NAV2: variants seen among roughly 807,000 people sequenced by gnomAD.
NAV2 encodes the protein neuron navigator 2, also known as helicase, APC down-regulated 1.
In NAV2, 54 loss-of-function variants were observed where a neutral mutation model predicts 223.2. The observed-to-expected ratio is 0.24, with a 90% confidence interval of 0.19 to 0.30. NAV2 has a LOEUF of 0.30. NAV2 is among the 10% of genes least tolerant of loss of function. The probability of loss-of-function intolerance (pLI) is 1.00; values close to 1 mark genes in which losing one functional copy is unlikely to be tolerated. For synonymous variants in NAV2, 1,279 were observed against 1,239.3 expected (o/e 1.03, Z -0.67); for missense variants, 2,806 against 3,147.5 (o/e 0.89, Z 2.60).
chr11:19,568,430 G>T (rs2045332726), intron 1 of NAV2, among the ~76,000 whole-genome samples: 2 of 152,240 alleles, frequency 1.3e-5, no homozygotes, highest in South Asian at 4.1e-4. Context: ...AGCAGGCAGA[G>T]TTAGAGGTGA....
At chr11:19,352,129 G>A (rs1043719486) in intron 1 of NAV2, among the ~76,000 whole-genome samples, 6 of 152,064 alleles carry the variant, frequency 3.9e-5, no homozygotes, top group East Asian at 1.9e-4. Flanking sequence ...AACTGCTGTC[G>A]CTATAATTTG....
intron 1 of NAV2, among the ~76,000 whole-genome samples, chr11:19,742,550 A>G (rs1292940825): frequency 6.6e-6 from 1 of 152,172 alleles, no homozygotes; most frequent in Admixed American, 6.5e-5. Context: ...GCTCCAGGTA[A>G]GAGCTGGTGG....
At chr11:19,968,352 G>A (rs1403208999) in intron 10 of NAV2, among the ~76,000 whole-genome samples, 1 of 152,132 alleles carries the variant, frequency 6.6e-6, no homozygotes, top group African/African-American at 2.4e-5. Context: ...AAGTAGCTGG[G>A]ATTACAGGCA....
chr11:20,115,504 C>T (rs1386042651), intron 37 of NAV2, among the ~76,000 whole-genome samples: 1 of 151,676 alleles, frequency 6.6e-6, no homozygotes, highest in Non-Finnish European at 1.5e-5. Flanking sequence ...TGGTGGCAGG[C>T]ACCTGTAGTC....
In NAV2 at chr11:19,769,231, G is replaced by T. The variant is rs150313713; in HGVS notation, c.267+55269G>T. Among the ~76,000 whole-genome samples, 230 of 152,356 alleles carry T rather than the reference G, an allele frequency of 1.5e-3. 2 individuals carry two copies. Among genetic ancestry groups the T allele is most frequent in the African/African-American group, 5.4e-3 (223 of 41,582 alleles). On this transcript the variant is annotated intron_variant, in intron 1 of 37. Coordinates refer to ENST00000349880, the MANE Select transcript of NAV2 (RefSeq NM_145117.5). ...GAAGGAAGCTGTGGAAAGGAATTGA[G>T]TTTGCTCTGGAGGACCTCCGTACTG...
At chr11:19,777,941 T>C (rs1295665132) in intron 1 of NAV2, 1 of 455,940 alleles carries the variant, frequency 2.2e-6, no homozygotes, top group South Asian at 1.5e-5. Context: ...TATTGATCTC[T>C]ACTGCGGTTT....
At chr11:19,577,031 T>C (rs1488820695) in intron 1 of NAV2, among the ~76,000 whole-genome samples, 2 of 152,264 alleles carry the variant, frequency 1.3e-5, no homozygotes, top group African/African-American at 4.8e-5. Context: ...AAGGAATCCC[T>C]GGGTTCCAGG....
At chr11:20,014,814 C>T (rs1020333034) in intron 11 of NAV2, among the ~76,000 whole-genome samples, 21 of 152,214 alleles carry the variant, frequency 1.4e-4, no homozygotes, top group African/African-American at 4.1e-4. Context: ...AGGCAGGAGA[C>T]TCACTTGAAC....
At chr11:19,600,877 G>A (rs2046333337) in intron 1 of NAV2, among the ~76,000 whole-genome samples, 1 of 152,230 alleles carries the variant, frequency 6.6e-6, no homozygotes, top group Admixed American at 6.5e-5. Flanking sequence ...GTAGAGGCAA[G>A]ATCTTAACTC....
chr11:19,584,906 A>G (rs2045844014), intron 1 of NAV2, among the ~76,000 whole-genome samples: 1 of 152,198 alleles, frequency 6.6e-6, no homozygotes, highest in African/African-American at 2.4e-5. Context: ...CGCTTGGTGC[A>G]GAGCTGAGTT....
chr11:19,491,721 C>T (rs1055744630), intron 1 of NAV2, among the ~76,000 whole-genome samples: 1 of 152,186 alleles, frequency 6.6e-6, no homozygotes, highest in African/African-American at 2.4e-5. Context: ...TTTTAACTTC[C>T]TTCAAAAGCT....
At chr11:19,836,704 C>A (rs1330972176) in intron 2 of NAV2, among the ~76,000 whole-genome samples, 1 of 152,182 alleles carries the variant, frequency 6.6e-6, no homozygotes, top group Non-Finnish European at 1.5e-5. Context: ...GAGTTGGAAT[C>A]CTTCAAAAGC....
chr11:19,565,965 G>A (rs899219127), intron 1 of NAV2, among the ~76,000 whole-genome samples: 2 of 152,202 alleles, frequency 1.3e-5, no homozygotes. Flanking sequence ...CTGGTGAATT[G>A]TAATGTCAGC....
In NAV2 at chr11:20,000,202, A is replaced by G. The variant is rs370058068; in HGVS notation, c.2768+15955A>G. On this transcript the variant is annotated intron_variant, in intron 11 of 37. Transcript: ENST00000349880. ...CTCCACATCCTGGCAGGAGGTCTCA[A>G]TCTTTGGAACTGGCAGACTAACCAC... is the stretch of plus-strand genomic sequence containing the variant. 7.2e-5 allele frequency among the ~76,000 whole-genome samples: 11 copies of G among 152,336 alleles called. No homozygotes were observed. In the East Asian group the frequency reaches 7.7e-4, roughly 11 times the overall value.
chr11:19,778,366 G>T, intron 1 of NAV2: 1 of 455,770 alleles, frequency 2.2e-6, no homozygotes, highest in South Asian at 1.6e-5. Context: ...CCACCTTGTA[G>T]AACTAGTGCC....
chr11:20,046,701 A>G (rs2057476563), intron 14 of NAV2, among the ~76,000 whole-genome samples: 2 of 151,950 alleles, frequency 1.3e-5, no homozygotes, highest in Non-Finnish European at 2.9e-5. Flanking sequence ...ATTTCCCCAC[A>G]TTTTCACACT....
intron 1 of NAV2, among the ~76,000 whole-genome samples, chr11:19,634,746 T>C (rs1043639515): frequency 6.6e-6 from 1 of 152,118 alleles, no homozygotes; most frequent in African/African-American, 2.4e-5. Flanking sequence ...GGTACATTGG[T>C]AGAAGAGAAG....
chr11:19,805,588 G>A (rs2058512964), intron 1 of NAV2, among the ~76,000 whole-genome samples: 1 of 152,192 alleles, frequency 6.6e-6, no homozygotes, highest in Non-Finnish European at 1.5e-5. Flanking sequence ...GCTATTTATG[G>A]TTCCTATTGA....
chr11:19,668,650 C>T (rs936940036), intron 1 of NAV2, among the ~76,000 whole-genome samples: 1 of 151,222 alleles, frequency 6.6e-6, no homozygotes, highest in Admixed American at 6.6e-5. Flanking sequence ...GCACACTTTT[C>T]CTGTCCCTCC....
Sources: allele counts gnomAD v4.1 joint callset (sites outside exome capture counted in the v4.1 genomes callset), GRCh38; gene constraint gnomAD v4.1.1; transcripts MANE v1.5; gene names NCBI Gene and HGNC (gene_info 2026-07-23, HGNC 2026-07-21).